Variants in KNDC1 observed in about 807,000 individuals in gnomAD.
The protein encoded by KNDC1 is kinase non-catalytic C-lobe domain-containing protein 1.
A neutral mutation model predicts 172.8 loss-of-function variants in KNDC1; 106 were observed. That is an observed-to-expected ratio of 0.61 (90% CI 0.52 to 0.72). The LOEUF is 0.72. KNDC1 is among the 30% of genes least tolerant of loss of function. KNDC1 has a pLI of 0.00. For synonymous variants in KNDC1, 1,083 were observed against 1,062.2 expected (o/e 1.02, Z -0.38); for missense variants, 2,325 against 2,394.5 (o/e 0.97, Z 0.61).
chr10:133,176,820 G>A (rs1425045111), intron 3 of KNDC1, among the ~76,000 whole-genome samples: 1 of 152,228 alleles, frequency 6.6e-6, no homozygotes, highest in Non-Finnish European at 1.5e-5. Context: ...TGAGGGAGGT[G>A]CCATCTGGGG....
At chr10:133,207,436 G>A (rs1387603405) in intron 20 of KNDC1, 85 bp downstream of exon 20, 4 of 1,274,912 alleles carry the variant, frequency 3.1e-6, no homozygotes, top group Admixed American at 3.9e-5. Context: ...TCGCCAGTCA[G>A]CTAGGCTGGG....
Position 133,222,090 on chromosome 10 carries a change from T to C in KNDC1, c.5018+1978T>C, listed in dbSNP as rs374768482. Among the ~76,000 whole-genome samples the C allele has an allele frequency of 3.3e-3, 495 of 149,968 alleles. 24 individuals carry two copies. Among genetic ancestry groups the C allele is most frequent in the Middle Eastern group, 6.9e-3 (2 of 288 alleles). The stretch of plus-strand genomic sequence containing the variant: ...TGAGGTCAGGAGTTCAAGACCAGCC[T>C]GGCCAACATGGTGAAACCCCATCTC... On this transcript the variant is annotated intron_variant, in intron 29 of 29. Transcript: ENST00000304613.
At chr10:133,184,781 A>G (rs1414830151) in intron 5 of KNDC1, among the ~76,000 whole-genome samples, 1 of 152,206 alleles carries the variant, frequency 6.6e-6, no homozygotes, top group Admixed American at 6.5e-5. Context: ...CATTGGTGCC[A>G]GTGTGGCATT....
chr10:133,161,485 G>A (rs1379007012), intron 1 of KNDC1, among the ~76,000 whole-genome samples: 1 of 152,122 alleles, frequency 6.6e-6, no homozygotes, highest in Non-Finnish European at 1.5e-5. Flanking sequence ...TGACCCCCTC[G>A]CAGTCCCCAC....
intron 20 of KNDC1, among the ~76,000 whole-genome samples, chr10:133,210,364 CAAAAAAAAA>C (rs57759593): frequency 1.5e-3 from 111 of 74,484 alleles, no homozygotes; most frequent in Admixed American, 2.5e-3. Flanking sequence ...GAAACTCTGC[CAAAAAAAAA>C]AAAAAAAAAA....
chr10:133,197,579 A>ACGGCAC (rs1025544663), intron 11 of KNDC1, 96 bp from the exon 12 acceptor site: 25 of 920,972 alleles, frequency 2.7e-5, no homozygotes, highest in Admixed American at 1.4e-4. Flanking sequence ...AGGAAGCTCC[A>ACGGCAC]CGGCACCGGC....
intron 24 of KNDC1, 89 bp from the exon 25 acceptor site, chr10:133,213,556 G>T: frequency 8.6e-7 from 1 of 1,163,720 alleles, no homozygotes; most frequent in Non-Finnish European, 1.3e-6. Context: ...TGGCCCCCCA[G>T]AAAACACCCA....
rs549788527 is a variant in KNDC1 at position 133,197,003 on chromosome 10, C to T, written c.1735-55C>T. The T allele has an allele frequency of 1.5e-4, 205 of 1,389,652 alleles. No individual in the cohort carries two copies. The East Asian group carries it at 2.1e-3, about 14-fold the overall frequency. 86.1% of individuals were successfully genotyped at this position (1,389,652 alleles called of 1,614,324 possible). On this transcript the variant is annotated intron_variant, in intron 10 of 29. Coordinates refer to ENST00000304613, the MANE Select transcript of KNDC1 (RefSeq NM_152643.8). ...AGATGGGGACCCAGTGACACGGGGA[C>T]GGTGCAGCCGTGGCTGAGGCCTGTC...
intron 16 of KNDC1, 145 bp from the exon 17 acceptor site, chr10:133,201,356 C>G (rs1435608594): frequency 7.1e-6 from 6 of 843,400 alleles, no homozygotes; most frequent in Non-Finnish European, 1.1e-5. Context: ...GAGGCGGCAG[C>G]CGTGCCCGGG....
rs188233721 is a variant in KNDC1 at position 133,216,665 on chromosome 10, C to G, written c.4678-2166C>G. On this transcript the variant is annotated intron_variant, in intron 26 of 29. Coordinates refer to ENST00000304613, the MANE Select transcript of KNDC1 (RefSeq NM_152643.8). The stretch of plus-strand genomic sequence containing the variant: ...GCAGCCTAGACGACGGTGCGAGACC[C>G]TATCTCAAAAAAAATAAAAAATAAA... Among the ~76,000 whole-genome samples, 453 of 151,860 alleles carry G rather than the reference C, an allele frequency of 3.0e-3. 2 individuals carry two copies. Among genetic ancestry groups the G allele is most frequent in the African/African-American group, 0.01 (417 of 41,424 alleles).
At chr10:133,161,526 G>A (rs1852969253) in intron 1 of KNDC1, among the ~76,000 whole-genome samples, 1 of 152,132 alleles carries the variant, frequency 6.6e-6, no homozygotes, top group Admixed American at 6.5e-5. Context: ...GCTCTGAAGG[G>A]ACCGGGAGTT....
At chr10:133,211,622 G>A in intron 22 of KNDC1, 53 bp downstream of exon 22, 1 of 1,598,166 alleles carries the variant, frequency 6.3e-7, no homozygotes, top group Non-Finnish European at 8.5e-7. Context: ...ACAGTGGGAG[G>A]TGCCGCCCTC....
At chr10:133,162,022 G>A (rs1051697015) in intron 1 of KNDC1, among the ~76,000 whole-genome samples, 4 of 152,194 alleles carry the variant, frequency 2.6e-5, no homozygotes, top group African/African-American at 9.7e-5. Flanking sequence ...CGGGCCGGCC[G>A]GACAGCTCCC....
intron 17 of KNDC1, among the ~76,000 whole-genome samples, chr10:133,205,846 C>T (rs759706122): frequency 3.3e-5 from 5 of 151,406 alleles, no homozygotes; most frequent in African/African-American, 7.3e-5. Flanking sequence ...CACTCCAGCC[C>T]GAGTGACAGC....
chr10:133,169,269 TG>T (rs1446462258), intron 3 of KNDC1, among the ~76,000 whole-genome samples: 1 of 152,200 alleles, frequency 6.6e-6, no homozygotes, highest in African/African-American at 2.4e-5. Flanking sequence ...AAGACCAGCC[TG>T]GCCAACATGG....
At chr10:133,174,834 G>C (rs932199194) in intron 3 of KNDC1, among the ~76,000 whole-genome samples, 1 of 151,544 alleles carries the variant, frequency 6.6e-6, no homozygotes, top group Non-Finnish European at 1.5e-5. Context: ...GGATGGATGC[G>C]TGGATGAACA....
In KNDC1 at chr10:133,223,859, ATGTG is replaced by A. The variant is rs1415768907; in HGVS notation, c.5019-791_5019-788del. ...CCCATCCAGGCATGCTCTTCCCGGCATGTGTGTGTGTGAGCCCATCCAGGCATGC... is the reference window on the plus strand; with the variant it reads ...CCCATCCAGGCATGCTCTTCCCGGCATGTGTGTGAGCCCATCCAGGCATGC... On this transcript the variant is annotated intron_variant, in intron 29 of 29. Coordinates refer to ENST00000304613, the MANE Select transcript of KNDC1 (RefSeq NM_152643.8). Among the ~76,000 whole-genome samples the A allele has an allele frequency of 1.6e-3, 67 of 41,282 alleles. 1 individual carries two copies. The highest frequency in any genetic ancestry group is 6.1e-3 in the African/African-American group (63 of 10,278). 27.1% of individuals were successfully genotyped at this position (41,282 alleles called of 152,430 possible). A position where few individuals can be genotyped will look rare whatever the true frequency, so the allele number is the denominator to read the frequency against.
intron 3 of KNDC1, among the ~76,000 whole-genome samples, chr10:133,174,578 G>T (rs10857680): frequency 0.41 from 62,915 of 151,926 alleles, 14,932 homozygotes; most frequent in South Asian, 0.67. Flanking sequence ...GATGATGGAT[G>T]AATGAAGGGA....
chr10:133,200,341 G>A (rs748113038), intron 15 of KNDC1, 34 bp from the exon 16 acceptor site: 14 of 1,515,696 alleles, frequency 9.2e-6, no homozygotes, highest in Admixed American at 4.0e-5. Flanking sequence ...CCCAGTGGGC[G>A]GAGGTGGGGA....
Sources: gnomAD v4.1 joint callset for allele counts (sites outside exome capture counted in the v4.1 genomes callset) on GRCh38, gnomAD v4.1.1 for gene constraint, MANE v1.5 for transcripts, NCBI Gene and HGNC (gene_info 2026-07-23, HGNC 2026-07-21) for gene names.